Variants in MDGA2 observed in about 807,000 individuals in gnomAD.
MDGA2 encodes MAM domain containing glycosylphosphatidylinositol anchor 2, also known as MAM domain-containing glycosylphosphatidylinositol anchor protein 2.
In MDGA2, 40 loss-of-function variants were observed where a neutral mutation model predicts 117.8. The ratio of observed to expected loss-of-function variants is 0.34; its 90% CI spans 0.26 to 0.44. The LOEUF (loss-of-function observed/expected upper bound fraction) is 0.44. MDGA2 is among the 20% of genes least tolerant of loss of function. The probability of loss-of-function intolerance (pLI) is 1.00; values close to 1 mark genes in which losing one functional copy is unlikely to be tolerated. For synonymous variants in MDGA2, 452 were observed against 439.0 expected (o/e 1.03, Z -0.37); for missense variants, 1,123 against 1,250.6 (o/e 0.90, Z 1.54).
At chr14:47,525,768 A>G (rs1827438074) in intron 1 of MDGA2, among the ~76,000 whole-genome samples, 1 of 146,378 alleles carries the variant, frequency 6.8e-6, no homozygotes, top group Non-Finnish European at 1.5e-5. Flanking sequence ...CAGCAGTTTT[A>G]TTATGGTGTG....
At chr14:47,274,240 C>T (rs977199177) in intron 2 of MDGA2, among the ~76,000 whole-genome samples, 1 of 152,052 alleles carries the variant, frequency 6.6e-6, no homozygotes. Context: ...TTGACTCTTT[C>T]CCCAACCCCA....
intron 3 of MDGA2, among the ~76,000 whole-genome samples, chr14:47,153,257 A>G (rs1883231648): frequency 6.6e-6 from 1 of 152,204 alleles, no homozygotes; most frequent in South Asian, 2.1e-4. Context: ...ACTGAGATGA[A>G]CAATGACAGG....
intron 7 of MDGA2, chr14:47,058,514 T>G: frequency 1.0e-6 from 1 of 984,166 alleles, no homozygotes; most frequent in Non-Finnish European, 1.2e-6. Context: ...ATTGATATAA[T>G]CCAAGATTTC....
chr14:47,255,260 T>A (rs1041925307), intron 2 of MDGA2, among the ~76,000 whole-genome samples: 1 of 152,182 alleles, frequency 6.6e-6, no homozygotes, highest in Non-Finnish European at 1.5e-5. Context: ...CGTGGTAGTA[T>A]GAAGGAAAAC....
intron 8 of MDGA2, among the ~76,000 whole-genome samples, chr14:46,976,922 G>A (rs1164322121): frequency 1.3e-5 from 2 of 151,780 alleles, no homozygotes; most frequent in Non-Finnish European, 2.9e-5. Flanking sequence ...ATTTTAACAA[G>A]TTCATGCCTT....
At chr14:47,501,823 A>G (rs748097694) in intron 1 of MDGA2, among the ~76,000 whole-genome samples, 2 of 151,996 alleles carry the variant, frequency 1.3e-5, no homozygotes, top group Non-Finnish European at 2.9e-5. Context: ...AGATTTGTAA[A>G]CTCCAGTACT....
At chr14:47,345,241 G>A (rs992549328) in intron 1 of MDGA2, among the ~76,000 whole-genome samples, 4 of 151,946 alleles carry the variant, frequency 2.6e-5, no homozygotes, top group Admixed American at 6.6e-5. Context: ...GCTCTCCTTC[G>A]ATTTTATCCA....
At chr14:47,089,607 A>ATT (rs368652679) in intron 6 of MDGA2, among the ~76,000 whole-genome samples, 1 of 151,538 alleles carries the variant, frequency 6.6e-6, no homozygotes, top group South Asian at 2.1e-4. Flanking sequence ...ATGTTTTTGT[A>ATT]TTTTTTTTAT....
chr14:47,522,591 T>A (rs1261913788), intron 1 of MDGA2, among the ~76,000 whole-genome samples: 1 of 109,632 alleles, frequency 9.1e-6, no homozygotes, highest in Admixed American at 1.1e-4. Flanking sequence ...GTGATATTTC[T>A]AAGTTTCAAA....
chr14:46,928,194 C>T (rs765111722), intron 9 of MDGA2, among the ~76,000 whole-genome samples: 3 of 152,006 alleles, frequency 2.0e-5, no homozygotes, highest in Non-Finnish European at 4.4e-5. Context: ...ATCTGGAAAA[C>T]TTTTTTATGA....
At chr14:47,286,638 A>C (rs557183117) in intron 2 of MDGA2, among the ~76,000 whole-genome samples, 1 of 151,684 alleles carries the variant, frequency 6.6e-6, no homozygotes, top group East Asian at 1.9e-4. Flanking sequence ...CATCCACCGG[A>C]GGACATTTCG....
chr14:47,217,979 C>T (rs530463699), intron 3 of MDGA2, 42 bp downstream of exon 3: 235 of 1,402,128 alleles, frequency 1.7e-4, no homozygotes, highest in Admixed American at 9.9e-4. Context: ...CAAAAGAAAT[C>T]CATAATAGGC....
chr14:47,223,213 C>G (rs563808825), intron 2 of MDGA2, among the ~76,000 whole-genome samples: 2 of 151,984 alleles, frequency 1.3e-5, no homozygotes, highest in Non-Finnish European at 1.5e-5. Context: ...GTGGGAATTC[C>G]GGTAGATAAA....
intron 14 of MDGA2, among the ~76,000 whole-genome samples, chr14:46,859,744 T>C (rs562381328): frequency 4.6e-4 from 70 of 152,290 alleles, no homozygotes; most frequent in Admixed American, 1.4e-3. Flanking sequence ...TTACTACTCC[T>C]TGGCCTTTAG....
intron 3 of MDGA2, among the ~76,000 whole-genome samples, chr14:47,148,722 C>A (rs555240150): frequency 1.3e-5 from 2 of 152,102 alleles, no homozygotes; most frequent in African/African-American, 4.8e-5. Context: ...TATGGTGTTT[C>A]GGGGTTCTTT....
chr14:47,165,761 A>C (rs1051679239), intron 3 of MDGA2, among the ~76,000 whole-genome samples: 1 of 152,220 alleles, frequency 6.6e-6, no homozygotes, highest in South Asian at 2.1e-4. Context: ...GTTAAAAATA[A>C]TATTTTCAGA....
chr14:47,565,613 T>C (rs1196309213), intron 1 of MDGA2, among the ~76,000 whole-genome samples: 1 of 152,188 alleles, frequency 6.6e-6, no homozygotes. Context: ...CTGACTTCCT[T>C]GCTTCTTGTG....
chr14:47,286,855 T>C (rs1195499720), intron 2 of MDGA2, among the ~76,000 whole-genome samples: 1 of 126,284 alleles, frequency 7.9e-6, no homozygotes, highest in Non-Finnish European at 1.6e-5. Flanking sequence ...ATATATACTT[T>C]ACTATGATAG....
At chr14:47,119,343 G>A (rs1881530284) in intron 5 of MDGA2, among the ~76,000 whole-genome samples, 2 of 152,132 alleles carry the variant, frequency 1.3e-5, no homozygotes, top group South Asian at 2.1e-4. Context: ...AGGATTACAG[G>A]CGTGAGCCAC....
Sources: gnomAD v4.1 joint callset for allele counts (sites outside exome capture counted in the v4.1 genomes callset) on GRCh38, gnomAD v4.1.1 for gene constraint, MANE v1.5 for transcripts, NCBI Gene and HGNC (gene_info 2026-07-23, HGNC 2026-07-21) for gene names.